Variants in SPON1 observed in about 807,000 individuals in gnomAD.
SPON1 encodes the protein spondin 1.
SPON1 carries 52 observed loss-of-function variants against 111.7 expected under a neutral mutation model. That is an observed-to-expected ratio of 0.47 (90% confidence interval 0.37 to 0.59). The LOEUF is 0.59. SPON1 is among the 20% of genes least tolerant of loss of function. The probability of loss-of-function intolerance (pLI) is 0.00; values close to 1 mark genes in which losing one functional copy is unlikely to be tolerated. For missense variants in SPON1, 957 were observed against 1,068.5 expected, an observed-to-expected ratio of 0.90 and a Z score of 1.46; for synonymous variants, 410 against 395.8, an observed-to-expected ratio of 1.04 and a Z score of -0.43.
chr11:14,217,749 T>C (rs1435786150), intron 6 of SPON1, among the ~76,000 whole-genome samples: 1 of 152,162 alleles, frequency 6.6e-6, no homozygotes. Context: ...CATTTTTTCA[T>C]GTATAAAATA....
In SPON1 at chr11:14,257,838, G is replaced by A. The variant is rs377385024; in HGVS notation, c.1432G>A (p.Val478Ile). Residue 478 changes from valine (V) to isoleucine (I), a missense_variant, in exon 11 of 16, where the codon GTC (valine) becomes ATC (isoleucine). By Grantham distance (29) the Val-to-Ile change is conservative. Coordinates refer to ENST00000576479, the MANE Select transcript of SPON1 (RefSeq NM_006108.4). ...RMLKAQLDLSVPCPDTQDFQP... is the reference protein window; with the variant it reads ...RMLKAQLDLSIPCPDTQDFQP... The stretch of plus-strand genomic sequence containing the variant: ...GCTGAAAGCACAGCTGGACCTCAGC[G>A]TCCCCTGCCCTGACACCCAGGACTT... 564 of 1,595,418 alleles carry A rather than the reference G, an allele frequency of 3.5e-4. No homozygotes were observed. The highest frequency in any genetic ancestry group is 4.3e-4 in the Non-Finnish European group (499 of 1,171,352).
intron 6 of SPON1, among the ~76,000 whole-genome samples, chr11:14,141,022 C>CT (rs1847648535): frequency 1.7e-5 from 2 of 114,304 alleles, no homozygotes; most frequent in Non-Finnish European, 3.8e-5. Flanking sequence ...TGCAGGCGTG[C>CT]CCCCCCCATG....
intron 3 of SPON1, among the ~76,000 whole-genome samples, chr11:14,064,965 A>T (rs1343973340): frequency 6.6e-6 from 1 of 152,180 alleles, no homozygotes; most frequent in Non-Finnish European, 1.5e-5. Flanking sequence ...AGCAATGCAC[A>T]TGCTTACAAT....
chr11:14,060,588 C>T (rs1366401096), intron 3 of SPON1, among the ~76,000 whole-genome samples: 1 of 152,184 alleles, frequency 6.6e-6, no homozygotes, highest in African/African-American at 2.4e-5. Context: ...ATTGGAATCA[C>T]CTGAGCAGCT....
Position 14,135,441 on chromosome 11 carries a change from C to A in SPON1, c.698C>A (p.Ala233Glu). 5 of 1,612,532 alleles carry A rather than the reference C, an allele frequency of 3.1e-6. No homozygotes were observed. Among genetic ancestry groups the A allele is most frequent in the Non-Finnish European group, 3.4e-6 (4 of 1,178,824 alleles). Residue 233 changes from alanine to glutamate, a missense_variant, in exon 6 of 16, where the codon GCG becomes GAG. This residue lies in a region of SPON1 where 122 missense variants were observed against 143.2 expected (regional missense o/e 0.85). Coordinates refer to ENST00000576479, the MANE Select transcript of SPON1 (RefSeq NM_006108.4). The surrounding 1 kb of genome is among the most constrained non-coding windows in gnomAD (Gnocchi z 4.4). ...DYPRRANHWS[A>E]IIGGSHSKNY... is the part of the protein sequence containing the mutation. ...CCAGGTCGGGCCAACCACTGGTCTG[C>A]GATCATCGGAGGATCCCACTCCAAG...
At chr11:14,216,602 G>A (rs944010691) in intron 6 of SPON1, among the ~76,000 whole-genome samples, 3 of 152,104 alleles carry the variant, frequency 2.0e-5, no homozygotes, top group African/African-American at 4.8e-5. Flanking sequence ...TCTGAGGAAG[G>A]TCATCCCATG....
At chr11:14,059,795 T>A (rs1463807226) in intron 3 of SPON1, among the ~76,000 whole-genome samples, 1 of 152,206 alleles carries the variant, frequency 6.6e-6, no homozygotes, top group Non-Finnish European at 1.5e-5. Flanking sequence ...AAAGCCTGGT[T>A]ATTCCATTAT....
At chr11:14,229,899 C>T (rs1848777559) in intron 6 of SPON1, among the ~76,000 whole-genome samples, 1 of 151,728 alleles carries the variant, frequency 6.6e-6, no homozygotes, top group African/African-American at 2.4e-5. Context: ...CATGGGAAAC[C>T]TGGAAGAGAG....
chr11:14,172,297 C>A (rs1462102719), intron 6 of SPON1, among the ~76,000 whole-genome samples: 3 of 151,766 alleles, frequency 2.0e-5, no homozygotes, highest in East Asian at 1.9e-4. Flanking sequence ...CTGTTTTATC[C>A]GATACTAGGG....
intron 2 of SPON1, among the ~76,000 whole-genome samples, chr11:14,040,615 T>C (rs1315939358): frequency 6.6e-6 from 1 of 152,194 alleles, no homozygotes; most frequent in Non-Finnish European, 1.5e-5. Context: ...AAGGAATTTT[T>C]AAAAGTAAAA....
At chr11:14,090,848 C>CCA (rs1849048771) in intron 5 of SPON1, among the ~76,000 whole-genome samples, 1 of 79,438 alleles carries the variant, frequency 1.3e-5, no homozygotes, top group Non-Finnish European at 2.6e-5. Context: ...CCCCCCCGCC[C>CCA]ACATCCTGCT....
chr11:14,128,529 G>C (rs550739739), intron 5 of SPON1, among the ~76,000 whole-genome samples: 1 of 152,290 alleles, frequency 6.6e-6, no homozygotes, highest in East Asian at 1.9e-4. Flanking sequence ...CAGCCCCCGC[G>C]GATGCTTTCA....
chr11:14,224,345 C>T (rs781805790), intron 6 of SPON1, among the ~76,000 whole-genome samples: 8 of 152,072 alleles, frequency 5.3e-5, no homozygotes, highest in Non-Finnish European at 1.0e-4. Flanking sequence ...TCAGGAAAGC[C>T]TTGAACTGCA....
intron 3 of SPON1, among the ~76,000 whole-genome samples, chr11:14,059,788 G>A (rs2133822537): frequency 6.6e-6 from 1 of 152,176 alleles, no homozygotes; most frequent in East Asian, 1.9e-4. Context: ...TTACAGAAAA[G>A]CCTGGTTATT....
At chr11:14,004,748 A>G (rs1429096981) in intron 2 of SPON1, among the ~76,000 whole-genome samples, 2 of 152,068 alleles carry the variant, frequency 1.3e-5, no homozygotes, top group Non-Finnish European at 2.9e-5. Context: ...TCCTTATCAG[A>G]TATGTGAAAT....
intron 5 of SPON1, among the ~76,000 whole-genome samples, chr11:14,133,654 G>A (rs1309922641): frequency 2.0e-5 from 3 of 152,240 alleles, no homozygotes; most frequent in Non-Finnish European, 2.9e-5. Context: ...TCCACATCAC[G>A]AACCTAAGGC....
chr11:14,115,324 G>T (rs1467695876), intron 5 of SPON1, among the ~76,000 whole-genome samples: 2 of 152,180 alleles, frequency 1.3e-5, no homozygotes, highest in African/African-American at 4.8e-5. Context: ...TAAATTGTAA[G>T]TCTATAGCTC....
chr11:14,200,199 TAG>T (rs1487870761), intron 6 of SPON1, among the ~76,000 whole-genome samples: 1 of 152,168 alleles, frequency 6.6e-6, no homozygotes, highest in Non-Finnish European at 1.5e-5. Flanking sequence ...CTGTAATTAA[TAG>T]AGTGTTCAAG....
chr11:14,256,415 A>G (rs561742425), intron 9 of SPON1, among the ~76,000 whole-genome samples: 20 of 152,306 alleles, frequency 1.3e-4, no homozygotes, highest in African/African-American at 4.6e-4. Flanking sequence ...TACCCAAGTT[A>G]TGTATTTATC....
Sources: allele counts gnomAD v4.1 joint callset (sites outside exome capture counted in the v4.1 genomes callset), GRCh38; gene constraint gnomAD v4.1.1; regional missense constraint gnomAD v4.1.1; non-coding constraint Gnocchi (gnomAD v3.1); transcripts MANE v1.5; gene names NCBI Gene and HGNC (gene_info 2026-07-23, HGNC 2026-07-21).